Variants in SCMH1 observed in about 807,000 individuals in gnomAD.
SCMH1 encodes the protein polycomb protein SCMH1.
SCMH1 carries 37 observed loss-of-function variants against 70.8 expected under a neutral mutation model. The ratio of observed to expected loss-of-function variants is 0.52; its 90% confidence interval spans 0.40 to 0.69. SCMH1 has a LOEUF of 0.69. SCMH1 is among the 30% of genes least tolerant of loss of function. The pLI is 0.00. For synonymous variants in SCMH1, 292 were observed against 307.4 expected, an observed-to-expected ratio of 0.95 and a Z score of 0.52; for missense variants, 607 against 827.3, an observed-to-expected ratio of 0.73 and a Z score of 3.27.
At chr1:41,195,988 T>C (rs2148693787) in intron 1 of SCMH1, among the ~76,000 whole-genome samples, 1 of 152,166 alleles carries the variant, frequency 6.6e-6, no homozygotes, top group African/African-American at 2.4e-5. Context: ...ATAAAATATT[T>C]AGGAATAAAT....
At chr1:41,232,965 T>C (rs1387133458) in intron 1 of SCMH1, among the ~76,000 whole-genome samples, 1 of 152,178 alleles carries the variant, frequency 6.6e-6, no homozygotes, top group African/African-American at 2.4e-5. Flanking sequence ...GATTCTTCCA[T>C]CAGATATCCA....
rs924105988 is a variant in SCMH1, at chr1:41,241,002, T to C, written c.-118+1057A>G. Among the ~76,000 whole-genome samples the C allele has an allele frequency of 3.8e-4, 58 of 152,308 alleles. 2 individuals are homozygous for C. Among genetic ancestry groups the C allele is most frequent in the Non-Finnish European group, 2.9e-5 (2 of 68,030 alleles). Reference sequence around the variant, plus strand: ...GGAAGTGAAGACTCAGGGGACATGATTACTATCTTCAGATATCTTAACAGC... The same window carrying C: ...GGAAGTGAAGACTCAGGGGACATGACTACTATCTTCAGATATCTTAACAGC... On this transcript the variant is annotated intron_variant, in intron 1 of 14. Coordinates refer to ENST00000337495, the Ensembl canonical transcript of SCMH1.
intron 8 of SCMH1, among the ~76,000 whole-genome samples, chr1:41,096,900 G>T (rs905050748): frequency 5.3e-5 from 8 of 152,140 alleles, no homozygotes; most frequent in African/African-American, 1.9e-4. Context: ...CTGCTAAAGG[G>T]ATTACACACA....
intron 1 of SCMH1, among the ~76,000 whole-genome samples, chr1:41,228,186 G>A (rs1405327965): frequency 6.6e-6 from 1 of 152,102 alleles, no homozygotes; most frequent in African/African-American, 2.4e-5. Context: ...GTAATTAGCC[G>A]TCTCTCAGAA....
At chr1:41,194,391 T>C (rs1412089570) in intron 1 of SCMH1, among the ~76,000 whole-genome samples, 1 of 152,182 alleles carries the variant, frequency 6.6e-6, no homozygotes, top group Non-Finnish European at 1.5e-5. Context: ...CTTAGTACGA[T>C]GTAGAAATCT....
At chr1:41,126,942 T>C (rs149646138) in intron 6 of SCMH1, among the ~76,000 whole-genome samples, 4 of 152,314 alleles carry the variant, frequency 2.6e-5, no homozygotes, top group African/African-American at 4.8e-5. Flanking sequence ...TGATGAATTG[T>C]ATGCCCTCCC....
At chr1:41,197,763 G>A (rs1255029010) in intron 1 of SCMH1, among the ~76,000 whole-genome samples, 1 of 152,058 alleles carries the variant, frequency 6.6e-6, no homozygotes, top group Admixed American at 6.6e-5. Flanking sequence ...TCTTGCAAAA[G>A]GAACACAAAG....
At chr1:41,212,863 G>A (rs1657321740) in intron 1 of SCMH1, among the ~76,000 whole-genome samples, 1 of 152,022 alleles carries the variant, frequency 6.6e-6, no homozygotes, top group Admixed American at 6.6e-5. Context: ...GCAACAAAGT[G>A]AGACTCTGTC....
chr1:41,186,434 T>C (rs74069082), intron 1 of SCMH1, among the ~76,000 whole-genome samples, 184 bp from the exon 2 acceptor site: 1,959 of 152,332 alleles, frequency 0.013, 38 homozygotes, highest in African/African-American at 0.045. Flanking sequence ...AGGTTGAATT[T>C]AATTAAGCCT....
Position 41,225,396 on chromosome 1 carries a change from A to G in SCMH1, c.-118+16663T>C, listed in dbSNP as rs1660067575. On this transcript the variant is annotated intron_variant, in intron 1 of 14. Transcript: ENST00000337495. ...TTCTATTTTTATATCTGAGATATGTACAAATATTGATGACTTTCCCAATTT... is the reference window on the plus strand; with the variant it reads ...TTCTATTTTTATATCTGAGATATGTGCAAATATTGATGACTTTCCCAATTT... 2.0e-5 allele frequency among the ~76,000 whole-genome samples: 3 copies of G among 152,200 alleles called. No homozygotes were observed. The South Asian group carries it at 6.2e-4, about 31-fold the overall frequency.
intron 1 of SCMH1, among the ~76,000 whole-genome samples, chr1:41,207,519 A>G (rs1449192327): frequency 2.0e-5 from 3 of 152,252 alleles, no homozygotes; most frequent in Non-Finnish European, 4.4e-5. Context: ...TATCCAATAC[A>G]GGAGCACCCA....
chr1:41,068,407 G>T (rs908856777), intron 10 of SCMH1, among the ~76,000 whole-genome samples: 2 of 150,956 alleles, frequency 1.3e-5, no homozygotes, highest in East Asian at 3.8e-4. Context: ...ATTGATTAAA[G>T]AATTTTTTTT....
intron 1 of SCMH1, among the ~76,000 whole-genome samples, chr1:41,214,123 C>T (rs745863188): frequency 4.6e-5 from 7 of 152,036 alleles, no homozygotes; most frequent in Non-Finnish European, 8.8e-5. Context: ...CATGCACACA[C>T]CTGAGGCTCA....
intron 6 of SCMH1, among the ~76,000 whole-genome samples, chr1:41,119,937 C>T (rs948238850): frequency 1.3e-5 from 2 of 152,076 alleles, no homozygotes; most frequent in Admixed American, 6.6e-5. Context: ...TAAATCCCTC[C>T]AGAAATTCAA....
chr1:41,168,221 T>C (rs1488352255), intron 2 of SCMH1, among the ~76,000 whole-genome samples: 1 of 152,174 alleles, frequency 6.6e-6, no homozygotes, highest in Non-Finnish European at 1.5e-5. Flanking sequence ...ACATAATTTC[T>C]TTGAATATAT....
At chr1:41,102,344 A>T (rs1557442586) in intron 8 of SCMH1, among the ~76,000 whole-genome samples, 1 of 152,182 alleles carries the variant, frequency 6.6e-6, no homozygotes, top group Non-Finnish European at 1.5e-5. Context: ...TATGTTTTTT[A>T]TTAGCTTTGC....
chr1:41,113,585 G>C lies in SCMH1; in HGVS notation c.502-59C>G. On this transcript the variant is annotated intron_variant, in intron 7 of 14. Transcript: ENST00000337495. The surrounding 1 kb of genome is among the most constrained non-coding windows in gnomAD (Gnocchi z 4.3). ...ACAAAGAGAGGCCATTATGCCAATA[G>C]ACTACTATCTAATTTGGATGATTAA... is the stretch of plus-strand genomic sequence containing the variant. The C allele has an allele frequency of 6.5e-7, 1 of 1,545,446 alleles. No individual in the cohort carries two copies. Among genetic ancestry groups the C allele is most frequent in the Non-Finnish European group, 8.7e-7 (1 of 1,147,540 alleles).
chr1:41,176,636 C>G (rs575619353), intron 2 of SCMH1, among the ~76,000 whole-genome samples: 3 of 152,316 alleles, frequency 2.0e-5, no homozygotes, highest in Admixed American at 2.0e-4. Context: ...CCTATGCCCA[C>G]GGAGCCTCGC....
chr1:41,128,242 T>C (rs1284092272), intron 6 of SCMH1, among the ~76,000 whole-genome samples: 3 of 152,226 alleles, frequency 2.0e-5, no homozygotes, highest in Admixed American at 2.0e-4. Context: ...AATTTTATTA[T>C]ATTTACCTAC....
Sources: gnomAD v4.1 joint callset for allele counts (sites outside exome capture counted in the v4.1 genomes callset) on GRCh38, gnomAD v4.1.1 for gene constraint, Gnocchi (gnomAD v3.1) non-coding constraint, MANE v1.5 for transcripts, NCBI Gene and HGNC (gene_info 2026-07-23, HGNC 2026-07-21) for gene names.